Variants in TRMT10B observed in about 807,000 individuals in gnomAD.
TRMT10B encodes tRNA methyltransferase 10B, also known as tRNA methyltransferase 10 homolog B.
In TRMT10B, 33 loss-of-function variants were observed where a neutral mutation model predicts 43.8. That is an observed-to-expected ratio of 0.75 (90% CI 0.57 to 1.01). The LOEUF (loss-of-function observed/expected upper bound fraction) is 1.01. TRMT10B is among the 50% of genes least tolerant of loss of function. The probability of loss-of-function intolerance (pLI) is 0.00; values close to 1 mark genes in which losing one functional copy is unlikely to be tolerated. For missense variants in TRMT10B, 362 were observed against 369.8 expected, an observed-to-expected ratio of 0.98 and a Z score of 0.17; for synonymous variants, 137 against 130.6, an observed-to-expected ratio of 1.05 and a Z score of -0.34.
chr9:37,774,684 T>C (rs1004575191), intron 7 of TRMT10B, among the ~76,000 whole-genome samples: 1 of 152,170 alleles, frequency 6.6e-6, no homozygotes, highest in Non-Finnish European at 1.5e-5. Flanking sequence ...AGTTTTATCC[T>C]TTCAAATAAG....
At chr9:37,755,268 CTTTTTTT>C (rs61444533) in intron 1 of TRMT10B, among the ~76,000 whole-genome samples, 28 of 124,456 alleles carry the variant, frequency 2.2e-4, no homozygotes, top group African/African-American at 5.5e-4. Flanking sequence ...AAGACTCCGT[CTTTTTTT>C]TTTTTTTTTT....
At chr9:37,777,550 GTTC>G (rs745522259) in intron 8 of TRMT10B, 48 bp from the exon 9 acceptor site, 3 of 1,414,536 alleles carry the variant, frequency 2.1e-6, no homozygotes, top group African/African-American at 2.8e-5. Context: ...TCATTTACTC[GTTC>G]TTTTTTTCCC....
intron 7 of TRMT10B, 69 bp from the exon 8 acceptor site, chr9:37,776,213 G>A (rs892570185): frequency 9.8e-6 from 12 of 1,223,538 alleles, no homozygotes; most frequent in Admixed American, 7.5e-5. Flanking sequence ...TATTTTTAAT[G>A]CTGTATTACA....
chr9:37,763,935 A>T, intron 4 of TRMT10B, 182 bp downstream of exon 4: 1 of 1,272,768 alleles, frequency 7.9e-7, no homozygotes, highest in Non-Finnish European at 1.1e-6. Context: ...CCTGGAAGAG[A>T]ATATATATAG....
chr9:37,772,016 A>C (rs1827643247), intron 7 of TRMT10B, among the ~76,000 whole-genome samples: 1 of 151,640 alleles, frequency 6.6e-6, no homozygotes, highest in Non-Finnish European at 1.5e-5. Context: ...GCTAGTTTTT[A>C]ATTTAATTTT....
At chr9:37,764,315 ATTTTT>A (rs753115932) in intron 4 of TRMT10B, among the ~76,000 whole-genome samples, 2 of 110,580 alleles carry the variant, frequency 1.8e-5, no homozygotes, top group African/African-American at 3.6e-5. Flanking sequence ...CGCCTGACAA[ATTTTT>A]TTTTTTTTTT....
chr9:37,763,143 C>CAAAAAAAAAAAAAAAAAA (rs747893643), intron 3 of TRMT10B, among the ~76,000 whole-genome samples: 1 of 50,202 alleles, frequency 2.0e-5, no homozygotes, highest in Non-Finnish European at 3.9e-5. Context: ...GACTCTGTCT[C>CAAAAAAAAAAAAAAAAAA]AAAAAAAAAA....
At position 37,763,153 on chromosome 9, in the gene TRMT10B, A is replaced by C. The variant is rs1348614902; in HGVS notation, c.295+468A>C. On this transcript the variant is annotated intron_variant, in intron 3 of 8. Transcript: ENST00000297994. The stretch of plus-strand genomic sequence containing the variant: ...AGTGAGACTCTGTCTCAAAAAAAAA[A>C]AAAAAAAAAAAACAAAAAAAAAAAT... 7.7e-5 allele frequency among the ~76,000 whole-genome samples: 9 copies of C among 117,482 alleles called. 1 individual carries two copies. In the South Asian group the frequency reaches 8.9e-4, roughly 12 times the overall value. The allele number at this position is 117,482 out of a possible 152,430, so 77.1% of individuals were successfully genotyped here. A position where few individuals can be genotyped will look rare whatever the true frequency, so the allele number is the denominator to read the frequency against.
intron 2 of TRMT10B, 57 bp downstream of exon 2, chr9:37,762,174 C>T: frequency 1.3e-6 from 2 of 1,522,326 alleles, no homozygotes; most frequent in Non-Finnish European, 1.8e-6. Context: ...CTCAAGACAC[C>T]CCTGTTTTAA....
chr9:37,762,488 TAAG>T, intron 2 of TRMT10B, 86 bp from the exon 3 acceptor site: 8 of 1,485,112 alleles, frequency 5.4e-6, no homozygotes, highest in Non-Finnish European at 7.2e-6. Flanking sequence ...TATATATAAA[TAAG>T]AAAAAAGCAA....
At chr9:37,774,301 C>T (rs1827903942) in intron 7 of TRMT10B, among the ~76,000 whole-genome samples, 1 of 152,196 alleles carries the variant, frequency 6.6e-6, no homozygotes, top group Non-Finnish European at 1.5e-5. Context: ...GGTGCCTGGC[C>T]AACAGTCCCT....
intron 3 of TRMT10B, 121 bp downstream of exon 3, chr9:37,762,806 C>A: frequency 8.1e-7 from 1 of 1,241,988 alleles, no homozygotes; most frequent in Admixed American, 3.1e-5. Flanking sequence ...GGACCCACTG[C>A]CCTATTTTCT....
At chr9:37,756,862 A>G (rs1299474151) in intron 1 of TRMT10B, among the ~76,000 whole-genome samples, 1 of 152,028 alleles carries the variant, frequency 6.6e-6, no homozygotes, top group East Asian at 1.9e-4. Flanking sequence ...ATACACACAC[A>G]CATATACATA....
upstream of TRMT10B, among the ~76,000 whole-genome samples, chr9:37,753,367 A>G (rs541646753): frequency 1.3e-5 from 2 of 152,274 alleles, no homozygotes; most frequent in African/African-American, 2.4e-5. Context: ...TCCGCAAGGG[A>G]TGGGATATAA....
At chr9:37,777,487 C>T (rs902217198) in intron 8 of TRMT10B, 114 bp from the exon 9 acceptor site, 3 of 843,658 alleles carry the variant, frequency 3.6e-6, no homozygotes, top group Admixed American at 4.2e-5. Flanking sequence ...GACCTTAGTA[C>T]CACATATGGT....
chr9:37,762,604 T>C lies in TRMT10B; in HGVS notation c.214T>C (p.Trp72Arg), dbSNP rs969646885. Residue 72 changes from tryptophan to arginine, a missense_variant, in exon 3 of 9, where the codon TGG becomes CGG. Transcript: ENST00000297994. Reference protein sequence around the residue: ...SKNVQRKQRHWEKIVAAKKSK... With the variant: ...SKNVQRKQRHREKIVAAKKSK... Reference sequence around the variant, plus strand: ...AAATGTCCAGAGAAAACAGAGACACTGGGAAAAGATAGTTGCAGCAAAGAA... The same window carrying C: ...AAATGTCCAGAGAAAACAGAGACACCGGGAAAAGATAGTTGCAGCAAAGAA... The C allele has an allele frequency of 3.8e-6, 6 of 1,596,338 alleles. No individual in the cohort carries two copies. Among genetic ancestry groups the C allele is most frequent in the African/African-American group, 1.3e-5 (1 of 74,780 alleles).
Position 37,763,676 on chromosome 9 carries a change from GAC to G in TRMT10B, c.345_346del (p.Asp115GlufsTer29). The G allele has an allele frequency of 6.2e-7, 1 of 1,614,098 alleles. No homozygotes were observed. Among genetic ancestry groups the G allele is most frequent in the Non-Finnish European group, 8.5e-7 (1 of 1,180,012 alleles). On this transcript the variant is annotated frameshift_variant, in exon 4 of 9. Transcript: ENST00000297994. LOFTEE classifies it high-confidence loss of function. ...SKRFLRALTK[D>X]KLLEAKHSGP... ...ACGTTTCCTGAGAGCTCTAACCAAA[GAC>G]AAACTTTTGGAAGCCAAACACTCAG...
intron 1 of TRMT10B, among the ~76,000 whole-genome samples, chr9:37,758,566 T>C (rs1589007292): frequency 6.6e-6 from 1 of 151,618 alleles, no homozygotes; most frequent in East Asian, 1.9e-4. Context: ...AGAACAGAGA[T>C]AGAAATATAA....
intron 5 of TRMT10B, 23 bp downstream of exon 5, chr9:37,768,251 T>C: frequency 6.3e-7 from 1 of 1,588,402 alleles, no homozygotes; most frequent in Non-Finnish European, 8.6e-7. Context: ...TTGCATATTA[T>C]TTGAATTGTC....
Sources: allele counts gnomAD v4.1 joint callset (sites outside exome capture counted in the v4.1 genomes callset), GRCh38; gene constraint gnomAD v4.1.1; transcripts MANE v1.5; gene names NCBI Gene and HGNC (gene_info 2026-07-23, HGNC 2026-07-21).